The following WWOX variants were observed in gnomAD, a reference collection of about 807,000 sequenced individuals.
WWOX encodes WW domain containing oxidoreductase.
WWOX carries 69 observed loss-of-function variants against 46.2 expected under a neutral mutation model. The observed-to-expected ratio is 1.49, with a 90% CI of 1.23 to 1.82. The LOEUF (loss-of-function observed/expected upper bound fraction) is 1.82. Ranked by LOEUF, WWOX falls within the 40% of genes most tolerant of loss-of-function variation. The pLI is 0.00. For missense variants in WWOX, 919 were observed against 542.6 expected (o/e 1.69, Z -6.89); for synonymous variants, 359 against 202.6 (o/e 1.77, Z -6.56).
At chr16:78,996,378 C>CT in intron 8 of WWOX, 1 of 685,450 alleles carries the variant, frequency 1.5e-6, no homozygotes, top group Non-Finnish European at 1.7e-6. Flanking sequence ...CTGCACCCAC[C>CT]CCCGCCCCCC....
chr16:79,003,072 A>G (rs562633120), intron 8 of WWOX, among the ~76,000 whole-genome samples: 2 of 152,112 alleles, frequency 1.3e-5, no homozygotes, highest in East Asian at 3.9e-4. Flanking sequence ...GACAATTCAG[A>G]CCCCACTCTT....
At chr16:78,388,448 C>T in intron 6 of WWOX, among the ~76,000 whole-genome samples, 1 of 151,364 alleles carries the variant, frequency 6.6e-6, no homozygotes, top group Middle Eastern at 3.5e-3. Context: ...GAGATCAAGA[C>T]CATCCTGGCC....
At chr16:78,456,947 A>G (rs2083833322) in intron 8 of WWOX, among the ~76,000 whole-genome samples, 1 of 152,238 alleles carries the variant, frequency 6.6e-6, no homozygotes, top group Non-Finnish European at 1.5e-5. Context: ...CATTGTTTGA[A>G]GAGGGAAGAT....
rs142026606 is a variant in WWOX, at chr16:78,543,641, A to G, written c.1056+110889A>G. On this transcript the variant is annotated intron_variant, in intron 8 of 8. Coordinates refer to ENST00000566780, the MANE Select transcript of WWOX (RefSeq NM_016373.4). ...AAACCTAAGGCCAAGGGCACTTCTC[A>G]ATATTAAACCCTCAGTTGTAATGGA... Among the ~76,000 whole-genome samples the G allele has an allele frequency of 1.5e-3, 228 of 152,332 alleles. 1 individual carries two copies. Among genetic ancestry groups the G allele is most frequent in the African/African-American group, 5.3e-3 (219 of 41,590 alleles).
intron 5 of WWOX, among the ~76,000 whole-genome samples, chr16:78,356,131 G>A (rs1397813747): frequency 7.4e-6 from 1 of 135,964 alleles, no homozygotes; most frequent in Non-Finnish European, 1.5e-5. Context: ...AGGTTGCAGT[G>A]AGCCAAGGTC....
intron 8 of WWOX, among the ~76,000 whole-genome samples, chr16:78,775,149 A>G (rs547255862): frequency 6.6e-6 from 1 of 152,254 alleles, no homozygotes; most frequent in Non-Finnish European, 1.5e-5. Flanking sequence ...TGGTTCCTGA[A>G]ATACCTCAAT....
chr16:79,018,065 G>C (rs2047453149), intron 8 of WWOX, among the ~76,000 whole-genome samples: 1 of 152,232 alleles, frequency 6.6e-6, no homozygotes, highest in South Asian at 2.1e-4. Flanking sequence ...AACAAAACTA[G>C]TTACAGAGTT....
At chr16:78,325,887 T>C (rs2080600516) in intron 5 of WWOX, among the ~76,000 whole-genome samples, 1 of 152,182 alleles carries the variant, frequency 6.6e-6, no homozygotes, top group South Asian at 2.1e-4. Flanking sequence ...ATTTTAAGAG[T>C]TAATCAAATT....
At chr16:78,864,949 GT>G in intron 8 of WWOX, among the ~76,000 whole-genome samples, 1 of 151,686 alleles carries the variant, frequency 6.6e-6, no homozygotes, top group Non-Finnish European at 1.5e-5. Flanking sequence ...TTTTAGTAGA[GT>G]TGGGGTTTTA....
At chr16:78,585,799 C>T (rs962720450) in intron 8 of WWOX, among the ~76,000 whole-genome samples, 4 of 151,806 alleles carry the variant, frequency 2.6e-5, no homozygotes, top group Admixed American at 6.6e-5. Flanking sequence ...ATTCCCGTAT[C>T]ATGGTGCTCC....
intron 8 of WWOX, among the ~76,000 whole-genome samples, chr16:78,701,025 G>C (rs192287770): frequency 6.6e-6 from 1 of 152,250 alleles, no homozygotes; most frequent in East Asian, 1.9e-4. Context: ...TCCAGGGTCT[G>C]CCAGATGTAG....
chr16:79,177,925 G>A (rs1258230889), intron 8 of WWOX, among the ~76,000 whole-genome samples: 1 of 152,206 alleles, frequency 6.6e-6, no homozygotes, highest in Non-Finnish European at 1.5e-5. Context: ...AGCCTGGGAA[G>A]TCCAAGAGCA....
chr16:78,973,925 G>A (rs971637215), intron 8 of WWOX, among the ~76,000 whole-genome samples: 3 of 152,136 alleles, frequency 2.0e-5, no homozygotes, highest in Non-Finnish European at 4.4e-5. Context: ...TTTCTTCGGC[G>A]TGTTTATTTA....
chr16:78,921,758 C>T (rs971978493), intron 8 of WWOX, among the ~76,000 whole-genome samples: 1 of 152,206 alleles, frequency 6.6e-6, no homozygotes, highest in African/African-American at 2.4e-5. Context: ...TAAGGGGTAA[C>T]TGCAAGTTAG....
intron 8 of WWOX, among the ~76,000 whole-genome samples, chr16:78,998,446 G>T (rs1383710022): frequency 6.6e-6 from 1 of 152,156 alleles, no homozygotes; most frequent in Non-Finnish European, 1.5e-5. Flanking sequence ...TTGGAAGACA[G>T]TCAGTTTTAA....
intron 5 of WWOX, among the ~76,000 whole-genome samples, chr16:78,195,486 CAT>C (rs1381921701): frequency 2.0e-5 from 3 of 151,896 alleles, no homozygotes; most frequent in African/African-American, 4.8e-5. Flanking sequence ...GAAATTTCCA[CAT>C]GTTAAGATTG....
At chr16:78,949,510 AGT>A (rs1275226730) in intron 8 of WWOX, among the ~76,000 whole-genome samples, 1 of 152,162 alleles carries the variant, frequency 6.6e-6, no homozygotes, top group Non-Finnish European at 1.5e-5. Flanking sequence ...TGGGATGATG[AGT>A]GTGTTCAGAG....
At chr16:78,328,331 A>G (rs2080676930) in intron 5 of WWOX, among the ~76,000 whole-genome samples, 1 of 152,218 alleles carries the variant, frequency 6.6e-6, no homozygotes, top group Non-Finnish European at 1.5e-5. Context: ...GGTATATGTT[A>G]ACACCTCACT....
rs372837625 is a variant in WWOX at position 79,025,525 on chromosome 16, C to T, written c.1057-186083C>T. Among the ~76,000 whole-genome samples, 557 of 152,092 alleles carry T rather than the reference C, an allele frequency of 3.7e-3. 6 individuals carry two copies. The highest frequency in any genetic ancestry group is 0.013 in the African/African-American group (532 of 41,480). ...GAGATCGGAGTGATTCCCCCACAAG[C>T]CAGGGAGCACTGAGGGCTGCTGGCA... On this transcript the variant is annotated intron_variant, in intron 8 of 8. Transcript: ENST00000566780.
Sources: gnomAD v4.1 joint callset for allele counts (sites outside exome capture counted in the v4.1 genomes callset) on GRCh38, gnomAD v4.1.1 for gene constraint, MANE v1.5 for transcripts, NCBI Gene and HGNC (gene_info 2026-07-23, HGNC 2026-07-21) for gene names.